The following GLIS3 variants were observed in gnomAD, a reference collection of about 807,000 sequenced individuals.
The protein encoded by GLIS3 is GLIS family zinc finger 3, also known as zinc finger protein GLIS3.
A neutral mutation model predicts 78.6 loss-of-function variants in GLIS3; 53 were observed. That is an observed-to-expected ratio of 0.67 (90% CI 0.54 to 0.85). The LOEUF (loss-of-function observed/expected upper bound fraction) is 0.85. Ranked by LOEUF, GLIS3 falls within the 40% of genes least tolerant of loss-of-function variation. The pLI, the probability that GLIS3 is intolerant of heterozygous loss-of-function variation, is 0.00. For missense variants in GLIS3, 1,703 were observed against 1,231.1 expected (o/e 1.38, Z -5.74); for synonymous variants, 684 against 509.9 (o/e 1.34, Z -4.60).
the GLIS3 span, among the ~76,000 whole-genome samples, chr9:4,421,754 A>G: frequency 1.3e-5 from 2 of 152,232 alleles, no homozygotes; most frequent in African/African-American, 4.8e-5. Flanking sequence ...TCCATTCACA[A>G]ATATGTAAAG....
intron 4 of GLIS3, among the ~76,000 whole-genome samples, chr9:4,062,957 A>C (rs1169295128): frequency 6.6e-6 from 1 of 152,076 alleles, no homozygotes; most frequent in African/African-American, 2.4e-5. Flanking sequence ...AATGTGAAGT[A>C]CACAGGAAGC....
chr9:4,205,720 T>G (rs1384946714), intron 2 of GLIS3, among the ~76,000 whole-genome samples: 1 of 152,206 alleles, frequency 6.6e-6, no homozygotes, highest in Non-Finnish European at 1.5e-5. Flanking sequence ...TTCAGTTACA[T>G]GAGACAAGAA....
intron 2 of GLIS3, among the ~76,000 whole-genome samples, chr9:4,244,645 G>A (rs370144399): frequency 8.6e-5 from 13 of 152,028 alleles, no homozygotes; most frequent in Middle Eastern, 3.2e-3. Context: ...TGCAATCTTG[G>A]CTCACTGCAA....
rs1821924433 is a variant in GLIS3 at position 4,010,609 on chromosome 9, C to G, written c.1711-73420G>C. Among the ~76,000 whole-genome samples, 3 of 152,272 alleles carry G rather than the reference C, an allele frequency of 2.0e-5. No individual in the cohort carries two copies. The South Asian group carries it at 6.2e-4, about 32-fold the overall frequency. ...CAGACATGAAATTTGCCTCAGCTTC[C>G]AGACTTTCCCGTGAAAATCGCCTGC... On this transcript the variant is annotated intron_variant, in intron 4 of 10. Coordinates refer to ENST00000381971, the MANE Select transcript of GLIS3 (RefSeq NM_001042413.2).
chr9:4,367,586 A>T, the GLIS3 span, among the ~76,000 whole-genome samples: 4 of 143,972 alleles, frequency 2.8e-5, no homozygotes. Context: ...GTGAGCCAAG[A>T]TCATGCCACT....
chr9:4,043,731 A>G (rs1332987878), intron 4 of GLIS3, among the ~76,000 whole-genome samples: 2 of 152,232 alleles, frequency 1.3e-5, no homozygotes. Context: ...TTTTCACACC[A>G]TCTTTGAGCT....
chr9:4,189,553 A>G (rs1043991738), intron 2 of GLIS3, among the ~76,000 whole-genome samples: 1 of 152,018 alleles, frequency 6.6e-6, no homozygotes, highest in Admixed American at 6.6e-5. Context: ...TATCGTTGTT[A>G]ACTTTCTGTC....
At chr9:4,048,226 C>G (rs1012937873) in intron 4 of GLIS3, among the ~76,000 whole-genome samples, 1 of 152,106 alleles carries the variant, frequency 6.6e-6, no homozygotes, top group Admixed American at 6.5e-5. Context: ...CATAATGCAA[C>G]ATTTAAATGA....
At chr9:4,021,860 G>A (rs1796236346) in intron 4 of GLIS3, among the ~76,000 whole-genome samples, 1 of 152,132 alleles carries the variant, frequency 6.6e-6, no homozygotes, top group Non-Finnish European at 1.5e-5. Flanking sequence ...AGTTTATCGG[G>A]CACAACATAT....
At chr9:4,025,594 G>A (rs956123856) in intron 4 of GLIS3, among the ~76,000 whole-genome samples, 7 of 152,050 alleles carry the variant, frequency 4.6e-5, no homozygotes, top group Non-Finnish European at 8.8e-5. Context: ...CACCATGTTT[G>A]CCAGGAGGGT....
chr9:4,225,607 A>G (rs1311469421), intron 2 of GLIS3, among the ~76,000 whole-genome samples: 5 of 152,198 alleles, frequency 3.3e-5, no homozygotes, highest in Non-Finnish European at 5.9e-5. Flanking sequence ...AATTTAGACA[A>G]GGCAGGCTAA....
intron 2 of GLIS3, among the ~76,000 whole-genome samples, chr9:4,149,144 T>A (rs943986832): frequency 6.6e-6 from 1 of 152,160 alleles, no homozygotes; most frequent in African/African-American, 2.4e-5. Flanking sequence ...AGAATAATAA[T>A]GATAGTGATT....
chr9:4,476,369 T>C, the GLIS3 span, among the ~76,000 whole-genome samples: 3 of 152,052 alleles, frequency 2.0e-5, no homozygotes, highest in Non-Finnish European at 2.9e-5. Context: ...TTTGTTTTTG[T>C]TTTTGTTTTG....
intron 2 of GLIS3, among the ~76,000 whole-genome samples, chr9:4,334,408 GAGGCAA>G (rs1817724649): frequency 6.6e-6 from 1 of 152,222 alleles, no homozygotes; most frequent in South Asian, 2.1e-4. Flanking sequence ...GGTGGCTGGA[GAGGCAA>G]GGAAGCTGGT....
chr9:4,210,682 A>T (rs536820701), intron 2 of GLIS3, among the ~76,000 whole-genome samples: 1 of 152,350 alleles, frequency 6.6e-6, no homozygotes, highest in Non-Finnish European at 1.5e-5. Flanking sequence ...CAAAATAAGG[A>T]AAGAAATACA....
intron 4 of GLIS3, among the ~76,000 whole-genome samples, chr9:4,016,869 G>C (rs1280022809): frequency 6.6e-6 from 1 of 152,146 alleles, no homozygotes; most frequent in Non-Finnish European, 1.5e-5. Context: ...GATAACTAAA[G>C]TGAACACAAA....
At chr9:4,219,135 C>A (rs1821104914) in intron 2 of GLIS3, among the ~76,000 whole-genome samples, 1 of 152,168 alleles carries the variant, frequency 6.6e-6, no homozygotes, top group African/African-American at 2.4e-5. Context: ...AGGAATATAG[C>A]CAAATGCTTT....
chr9:4,385,770 A>C, the GLIS3 span, among the ~76,000 whole-genome samples: 1 of 65,484 alleles, frequency 1.5e-5, no homozygotes, highest in Non-Finnish European at 3.0e-5. Flanking sequence ...AGAAAGAAAG[A>C]AAGAAAGAAA....
chr9:3,937,596 C>T (rs898572302), intron 4 of GLIS3, among the ~76,000 whole-genome samples: 12 of 151,486 alleles, frequency 7.9e-5, no homozygotes, highest in African/African-American at 2.9e-4. Context: ...AACTAATAAA[C>T]TAATAAGAAA....
Sources: gnomAD v4.1 joint callset for allele counts (sites outside exome capture counted in the v4.1 genomes callset) on GRCh38, gnomAD v4.1.1 for gene constraint, MANE v1.5 for transcripts, NCBI Gene and HGNC (gene_info 2026-07-23, HGNC 2026-07-21) for gene names.